DMD: variants seen among roughly 807,000 people sequenced by gnomAD.
DMD encodes the protein dystrophin.
In DMD, 63 loss-of-function variants were observed where a neutral mutation model predicts 330.1. The observed-to-expected ratio is 0.19, with a 90% CI of 0.16 to 0.24. The LOEUF is 0.24. Among genes scored for constraint, DMD ranks in the 10% least tolerant of loss-of-function variants. The probability of loss-of-function intolerance (pLI) is 1.00; values close to 1 mark genes in which losing one functional copy is unlikely to be tolerated. For missense variants in DMD, 3,344 were observed against 2,684.1 expected (o/e 1.25, Z -5.43); for synonymous variants, 1,223 against 959.8 (o/e 1.27, Z -5.07).
chrX:32,881,118 G>T (rs1268092823), intron 2 of DMD, among the ~76,000 whole-genome samples: 5 of 112,430 alleles, frequency 4.4e-5, no homozygotes, highest in Non-Finnish European at 7.5e-5. Flanking sequence ...AGTAAGTACA[G>T]CTAGGAACTG....
chrX:33,119,194 C>T (rs187872282), intron 1 of DMD, among the ~76,000 whole-genome samples: 3,306 of 110,959 alleles, frequency 0.03, 128 homozygotes, highest in African/African-American at 0.11. Context: ...AGGCATATAA[C>T]ATGACATATG....
At chrX:32,772,559 G>C (rs1603397663) in intron 7 of DMD, among the ~76,000 whole-genome samples, 1 of 112,024 alleles carries the variant, frequency 8.9e-6, no homozygotes, top group Non-Finnish European at 1.9e-5. Flanking sequence ...CACACATCTG[G>C]TAGGTAGCAG....
chrX:32,582,491 C>A (rs2053753834), intron 13 of DMD, among the ~76,000 whole-genome samples: 1 of 111,260 alleles, frequency 9.0e-6, no homozygotes, highest in Non-Finnish European at 1.9e-5. Context: ...AAAATAAAGA[C>A]CTAACTAAAT....
At chrX:31,415,051 A>G (rs1472198708) in intron 60 of DMD, among the ~76,000 whole-genome samples, 1 of 112,303 alleles carries the variant, frequency 8.9e-6, no homozygotes, top group Non-Finnish European at 1.9e-5. Flanking sequence ...ATAGCGGCTC[A>G]GAAAGGCACT....
chrX:32,573,974 T>A, intron 13 of DMD, 128 bp from the exon 14 acceptor site: 1 of 535,238 alleles, frequency 1.9e-6, no homozygotes, highest in Admixed American at 2.7e-5. Context: ...AGGGACACTC[T>A]TTCTGATCTG....
At position 32,303,083 on chromosome X, in the gene DMD, G is replaced by C. The variant is rs778273571; in HGVS notation, c.6117+6999C>G. On this transcript the variant is annotated intron_variant, in intron 42 of 78. Transcript: ENST00000357033. ...TTCCCTGTCACACATTTTCATAAAT[G>C]ATTGTTTTAGATTCAGTATATACAA... Among the ~76,000 whole-genome samples, 79 of 111,620 alleles carry C rather than the reference G, an allele frequency of 7.1e-4. 1 individual carries two copies. Among genetic ancestry groups the C allele is most frequent in the African/African-American group, 2.4e-3 (74 of 30,926 alleles).
chrX:32,502,173 A>T (rs948162077), intron 18 of DMD, among the ~76,000 whole-genome samples: 7 of 111,990 alleles, frequency 6.3e-5, no homozygotes, highest in African/African-American at 2.3e-4. Flanking sequence ...TCACATAACT[A>T]AAATGAAATT....
chrX:32,777,277 T>TGGGGG lies in DMD; in HGVS notation c.649+32211_649+32215dup, dbSNP rs546914107. Reference sequence around the variant, plus strand: ...CTAGTTTTTAAGTTTGGTTTCTGGTTGGGGGGGGAATCCTACCAAGCTAGG... The same window carrying TGGGGG: ...CTAGTTTTTAAGTTTGGTTTCTGGTTGGGGGGGGGGGGGAATCCTACCAAGCTAGG... On this transcript the variant is annotated intron_variant, in intron 7 of 78. Transcript: ENST00000357033. Among the ~76,000 whole-genome samples the TGGGGG allele has an allele frequency of 8.1e-3, 17 of 2,109 alleles. 4 individuals carry two copies. The highest frequency in any genetic ancestry group is 0.019 in the African/African-American group (6 of 323). 1.8% of individuals were successfully genotyped at this position (2,109 alleles called of 115,157 possible).
chrX:32,749,003 C>A (rs1172327286), intron 7 of DMD, among the ~76,000 whole-genome samples: 1 of 112,049 alleles, frequency 8.9e-6, no homozygotes, highest in Non-Finnish European at 1.9e-5. Flanking sequence ...ACCTACGTGG[C>A]AAGTGCCCCA....
chrX:31,994,639 T>C (rs928912921), intron 44 of DMD, among the ~76,000 whole-genome samples: 1 of 111,126 alleles, frequency 9.0e-6, no homozygotes, highest in African/African-American at 3.3e-5. Context: ...GGACTCCCAG[T>C]GACACAGACT....
At chrX:32,871,413 A>AGAAACCTCCCACTTGATC (rs2082988335) in intron 2 of DMD, among the ~76,000 whole-genome samples, 6 of 111,002 alleles carry the variant, frequency 5.4e-5, no homozygotes, top group South Asian at 3.8e-4. Flanking sequence ...ATTTTAACAT[A>AGAAACCTCCCACTTGATC]TTAACTGATG....
chrX:32,282,977 T>C (rs925061913), intron 43 of DMD, among the ~76,000 whole-genome samples: 2 of 111,990 alleles, frequency 1.8e-5, no homozygotes, highest in Admixed American at 1.9e-4. Flanking sequence ...CTCATTCTAT[T>C]GATGTCAGAT....
intron 44 of DMD, among the ~76,000 whole-genome samples, chrX:32,175,671 C>A (rs771347973): frequency 4.5e-5 from 5 of 110,890 alleles, no homozygotes; most frequent in Non-Finnish European, 9.4e-5. Context: ...TTCATGGATC[C>A]TAGATATTTC....
intron 37 of DMD, among the ~76,000 whole-genome samples, chrX:32,348,902 C>A (rs902281685): frequency 9.0e-6 from 1 of 111,154 alleles, no homozygotes; most frequent in Non-Finnish European, 1.9e-5. Flanking sequence ...TCAGAAATTG[C>A]CTCATTTATC....
chrX:31,749,939 C>T (rs1438834342), intron 51 of DMD, among the ~76,000 whole-genome samples: 23 of 107,232 alleles, frequency 2.1e-4, no homozygotes, highest in African/African-American at 7.6e-4. Context: ...GCATAAATGT[C>T]TTCTTTTGAG....
chrX:32,676,460 A>T (rs900895592), intron 9 of DMD, among the ~76,000 whole-genome samples: 3 of 111,333 alleles, frequency 2.7e-5, no homozygotes, highest in African/African-American at 9.8e-5. Context: ...TCAGAGTCTC[A>T]CCATACCCTA....
chrX:31,646,330 T>C lies in DMD; in HGVS notation c.8027+11660A>G, dbSNP rs751148087. On this transcript the variant is annotated intron_variant, in intron 54 of 78. Transcript: ENST00000357033. ...GAGATTATTGTTGCTAAAAACTCTA[T>C]GTTATCTCCATATTTGGAATGTTTT... is the stretch of plus-strand genomic sequence containing the variant. Among the ~76,000 whole-genome samples the C allele has an allele frequency of 1.7e-4, 19 of 110,927 alleles. No homozygotes were observed. The South Asian group carries it at 7.3e-3, about 43-fold the overall frequency.
chrX:33,180,456 TAC>T (rs1483278789), intron 1 of DMD, among the ~76,000 whole-genome samples: 1 of 111,522 alleles, frequency 9.0e-6, no homozygotes, highest in African/African-American at 3.3e-5. Context: ...TGCACACACA[TAC>T]ACACAGAGTT....
chrX:31,372,433 T>C (rs1322264840), intron 60 of DMD, among the ~76,000 whole-genome samples: 2 of 112,010 alleles, frequency 1.8e-5, no homozygotes, highest in African/African-American at 6.5e-5. Flanking sequence ...TCCTGGGCTT[T>C]GACTCCACAT....
Sources: allele counts gnomAD v4.1 joint callset (sites outside exome capture counted in the v4.1 genomes callset), GRCh38; gene constraint gnomAD v4.1.1; transcripts MANE v1.5; gene names NCBI Gene and HGNC (gene_info 2026-07-23, HGNC 2026-07-21).